P2RX7: variants seen among roughly 807,000 people sequenced by gnomAD.
P2RX7 encodes P2X purinoceptor 7.
A neutral mutation model predicts 71.6 loss-of-function variants in P2RX7; 62 were observed. That is an observed-to-expected ratio of 0.87 (90% CI 0.71 to 1.07). The LOEUF is 1.07. P2RX7 is among the 50% of genes least tolerant of loss of function. P2RX7 has a pLI of 0.00. For missense variants in P2RX7, 686 were observed against 748.5 expected (o/e 0.92, Z 0.97); for synonymous variants, 299 against 283.3 (o/e 1.06, Z -0.56).
chr12:121,141,100 C>A (rs965711036), intron 1 of P2RX7, among the ~76,000 whole-genome samples: 2 of 151,914 alleles, frequency 1.3e-5, no homozygotes, highest in Non-Finnish European at 2.9e-5. Context: ...TAAATAAATA[C>A]ATAAATAAAG....
chr12:121,183,611 AC>A (rs1884506323), intron 12 of P2RX7, among the ~76,000 whole-genome samples: 2 of 151,838 alleles, frequency 1.3e-5, no homozygotes, highest in African/African-American at 2.4e-5. Flanking sequence ...ACACACACAC[AC>A]AAAAACCATT....
chr12:121,161,356 A>T (rs1879651980), intron 4 of P2RX7, among the ~76,000 whole-genome samples: 1 of 151,942 alleles, frequency 6.6e-6, no homozygotes. Flanking sequence ...AACCTGCAGA[A>T]TTTTTTTTGT....
At position 121,184,432 on chromosome 12, in the gene P2RX7, G is replaced by A; in HGVS notation, c.1418G>A (p.Ser473Asn). The A allele has an allele frequency of 1.2e-6, 2 of 1,614,184 alleles. No individual in the cohort carries two copies. Among genetic ancestry groups the A allele is most frequent in the South Asian group, 2.2e-5 (2 of 91,086 alleles). ...RKEATPRSRD[S>N]PVWCQCGSCL... ...GAGGCGACTCCTAGATCCAGGGATA[G>A]CCCCGTCTGGTGCCAGTGTGGAAGC... Residue 473 changes from serine (S) to asparagine (N), a missense_variant, in exon 13 of 13, where the codon AGC becomes AAC. By Grantham distance (46) the Ser-to-Asn change is conservative (BLOSUM62 1). Coordinates refer to ENST00000328963, the MANE Select transcript of P2RX7 (RefSeq NM_002562.6).
chr12:121,180,053 G>A (rs201801849), intron 11 of P2RX7, among the ~76,000 whole-genome samples: 1 of 149,646 alleles, frequency 6.7e-6, no homozygotes, highest in South Asian at 2.1e-4. Context: ...GGAGGCTGAG[G>A]CAGGAGAATC....
rs28360445 is a variant in P2RX7 at position 121,156,133 on chromosome 12, C to T, written c.349C>T (p.Arg117Trp). 1.9e-3 allele frequency: 3,080 copies of T among 1,613,974 alleles called. 8 individuals carry two copies. The highest frequency in any genetic ancestry group is 2.6e-3 in the Middle Eastern group (16 of 6,062). ...NFLKTEGQEQ[R>W]LCPEYPTRRT... Reference sequence around the variant, plus strand: ...TCTCAAAACAGAAGGCCAAGAGCAGCGGTTGTGTCCCGAGGTAAGGAGGGG... The same window carrying T: ...TCTCAAAACAGAAGGCCAAGAGCAGTGGTTGTGTCCCGAGGTAAGGAGGGG... Residue 117 changes from arginine to tryptophan, a missense_variant, in exon 3 of 13, where the codon CGG (arginine) becomes TGG (tryptophan). Transcript: ENST00000328963.
At chr12:121,182,699 G>A (rs188586262) in intron 12 of P2RX7, among the ~76,000 whole-genome samples, 8 of 152,338 alleles carry the variant, frequency 5.3e-5, no homozygotes, top group Non-Finnish European at 7.3e-5. Context: ...AGTAGTGAGT[G>A]AATGTGAAAG....
At chr12:121,157,553 A>T (rs368814238) in intron 3 of P2RX7, among the ~76,000 whole-genome samples, 1 of 152,088 alleles carries the variant, frequency 6.6e-6, no homozygotes, top group Non-Finnish European at 1.5e-5. Flanking sequence ...TCCGTCTCCA[A>T]TCCAGTTTGG....
rs1054946634 is a variant in P2RX7 at position 121,185,151 on chromosome 12, C to A, written c.*349C>A. 20 of 185,626 alleles carry A rather than the reference C, an allele frequency of 1.1e-4. No individual in the cohort carries two copies. Among genetic ancestry groups the A allele is most frequent in the African/African-American group, 4.5e-4 (19 of 42,396 alleles). The allele number at this position is 185,626 out of a possible 1,614,324, so 11.5% of individuals were successfully genotyped here. A position where few individuals can be genotyped will look rare whatever the true frequency, so the allele number is the denominator to read the frequency against. The stretch of plus-strand genomic sequence containing the variant: ...GCCATGTTAACATGACATTTACCAG[C>A]AACTTGAACTTCACCTGCAAAGCTC... On this transcript the variant is annotated 3_prime_UTR_variant, in exon 13 of 13. Coordinates refer to ENST00000328963, the MANE Select transcript of P2RX7 (RefSeq NM_002562.6).
chr12:121,145,796 G>A (rs1359464574), intron 1 of P2RX7, among the ~76,000 whole-genome samples: 1 of 152,046 alleles, frequency 6.6e-6, no homozygotes, highest in Admixed American at 6.6e-5. Context: ...GTGAGCCACC[G>A]TACCCGGCCT....
At chr12:121,179,035 G>T (rs1235139089) in intron 11 of P2RX7, among the ~76,000 whole-genome samples, 1 of 151,966 alleles carries the variant, frequency 6.6e-6, no homozygotes, top group African/African-American at 2.4e-5. Context: ...ACACAAAATT[G>T]TACCAGTGGC....
At chr12:121,164,465 T>C (rs1880565960) in intron 5 of P2RX7, among the ~76,000 whole-genome samples, 1 of 152,208 alleles carries the variant, frequency 6.6e-6, no homozygotes, top group African/African-American at 2.4e-5. Context: ...CCACTGGGTC[T>C]TGTGTTAGTC....
intron 11 of P2RX7, 91 bp downstream of exon 11, chr12:121,177,537 C>A (rs1469711935): frequency 1.6e-6 from 2 of 1,251,936 alleles, no homozygotes; most frequent in Non-Finnish European, 2.3e-6. Flanking sequence ...AAATCACAGG[C>A]TTCATCCTGT....
chr12:121,133,127 T>G (rs149503502), intron 1 of P2RX7, 32 bp downstream of exon 1: 52 of 1,613,248 alleles, frequency 3.2e-5, no homozygotes, highest in Middle Eastern at 3.3e-4. Context: ...CCCAGATCTC[T>G]GCAGTGGCCG....
chr12:121,138,026 A>G (rs927258064), intron 1 of P2RX7, among the ~76,000 whole-genome samples: 8 of 152,232 alleles, frequency 5.3e-5, no homozygotes, highest in African/African-American at 1.9e-4. Context: ...TGCAGCTACA[A>G]GAGGAGTTTG....
Position 121,136,019 on chromosome 12 carries a change from A to ATATATATAT in P2RX7, c.125+2924_125+2925insTATATATAT, listed in dbSNP as rs1456392857. ...ACTCTGTCTCAAAAAAAAAAAAAAAAAAAAATATATATATATATATATAGT... is the reference window on the plus strand; with the variant it reads ...ACTCTGTCTCAAAAAAAAAAAAAAAATATATATATAAAAATATATATATATATATATAGT... On this transcript the variant is annotated intron_variant, in intron 1 of 12. Coordinates refer to ENST00000328963, the MANE Select transcript of P2RX7 (RefSeq NM_002562.6). Among the ~76,000 whole-genome samples, 7 of 17,852 alleles carry ATATATATAT rather than the reference A, an allele frequency of 3.9e-4. No individual in the cohort carries two copies. In the South Asian group the frequency reaches 0.028, roughly 72 times the overall value. The allele number at this position is 17,852 out of a possible 152,430, so 11.7% of individuals were successfully genotyped here. A position where few individuals can be genotyped will look rare whatever the true frequency, so the allele number is the denominator to read the frequency against.
intron 11 of P2RX7, among the ~76,000 whole-genome samples, chr12:121,179,892 G>C (rs142928243): frequency 5.3e-5 from 8 of 151,286 alleles, no homozygotes; most frequent in African/African-American, 1.9e-4. Flanking sequence ...GCTCACTCCT[G>C]TAATCCCAGC....
At chr12:121,175,322 A>AAAAAAAC in intron 8 of P2RX7, 66 bp from the exon 9 acceptor site, 1 of 996,520 alleles carries the variant, frequency 1.0e-6, no homozygotes, top group African/African-American at 1.7e-5. Flanking sequence ...AAAAAAAAAA[A>AAAAAAAC]AAAAAAACCC....
chr12:121,135,088 C>T (rs1236470760), intron 1 of P2RX7, among the ~76,000 whole-genome samples: 1 of 152,084 alleles, frequency 6.6e-6, no homozygotes, highest in Admixed American at 6.6e-5. Flanking sequence ...CACCTGTAAT[C>T]CCAACACTTT....
intron 6 of P2RX7, 75 bp downstream of exon 6, chr12:121,165,512 G>GAA: frequency 8.2e-7 from 1 of 1,214,574 alleles, no homozygotes; most frequent in Non-Finnish European, 1.2e-6. Context: ...TCAGAAGCCT[G>GAA]AAACAACAAA....
Sources: allele counts gnomAD v4.1 joint callset (sites outside exome capture counted in the v4.1 genomes callset), GRCh38; gene constraint gnomAD v4.1.1; transcripts MANE v1.5; gene names NCBI Gene and HGNC (gene_info 2026-07-23, HGNC 2026-07-21).